The following OTUD7A variants were observed in gnomAD, a reference collection of about 807,000 sequenced individuals.
The protein encoded by OTUD7A is OTU deubiquitinase 7A.
A neutral mutation model predicts 65.7 loss-of-function variants in OTUD7A; 12 were observed. The ratio of observed to expected loss-of-function variants is 0.18; its 90% confidence interval spans 0.12 to 0.30. The LOEUF (loss-of-function observed/expected upper bound fraction) is 0.30. Ranked by LOEUF, OTUD7A falls within the 10% of genes least tolerant of loss-of-function variation. OTUD7A has a pLI of 1.00. For synonymous variants in OTUD7A, 641 were observed against 586.3 expected (o/e 1.09, Z -1.35); for missense variants, 1,148 against 1,304.8 (o/e 0.88, Z 1.85).
intron 1 of OTUD7A, among the ~76,000 whole-genome samples, chr15:31,803,888 T>TCATC (rs1305561114): frequency 2.6e-5 from 4 of 152,184 alleles, no homozygotes; most frequent in African/African-American, 7.2e-5. Flanking sequence ...CAATAAGTTC[T>TCATC]CATCCCAGCT....
intron 1 of OTUD7A, among the ~76,000 whole-genome samples, chr15:31,700,487 C>T (rs1437661357): frequency 3.9e-5 from 6 of 152,080 alleles, no homozygotes; most frequent in Non-Finnish European, 8.8e-5. Context: ...CCCTTGACTT[C>T]GCCCTCTCCA....
At chr15:31,867,746 A>C (rs763537140) in intron 1 of OTUD7A, among the ~76,000 whole-genome samples, 1 of 152,200 alleles carries the variant, frequency 6.6e-6, no homozygotes, top group Non-Finnish European at 1.5e-5. Flanking sequence ...CTGAGACTCA[A>C]AGTGTGCTAA....
chr15:31,828,972 G>A (rs1331874587), intron 1 of OTUD7A, among the ~76,000 whole-genome samples: 1 of 152,182 alleles, frequency 6.6e-6, no homozygotes, highest in African/African-American at 2.4e-5. Context: ...TCCAAGCAGA[G>A]AAAAGTGCTC....
At chr15:31,798,968 T>C (rs1447738510) in intron 1 of OTUD7A, among the ~76,000 whole-genome samples, 1 of 152,174 alleles carries the variant, frequency 6.6e-6, no homozygotes, top group Non-Finnish European at 1.5e-5. Flanking sequence ...CACAGCCTAC[T>C]GGAAGAGGGG....
At chr15:31,820,962 C>T (rs908552650) in intron 1 of OTUD7A, among the ~76,000 whole-genome samples, 8 of 151,740 alleles carry the variant, frequency 5.3e-5, no homozygotes, top group South Asian at 4.2e-4. Flanking sequence ...CCATTCCCTC[C>T]GAGGCCCCCA....
intron 1 of OTUD7A, among the ~76,000 whole-genome samples, chr15:31,750,575 C>T (rs567659490): frequency 8.9e-4 from 135 of 152,056 alleles, no homozygotes; most frequent in African/African-American, 3.2e-3. Context: ...AAGAACAAAG[C>T]TGGAGGCATC....
At chr15:31,579,848 G>A (rs982083680) in intron 3 of OTUD7A, among the ~76,000 whole-genome samples, 19 of 152,170 alleles carry the variant, frequency 1.2e-4, no homozygotes, top group Non-Finnish European at 2.4e-4. Flanking sequence ...GCGAGTGCAC[G>A]TGTGCATATC....
intron 3 of OTUD7A, among the ~76,000 whole-genome samples, chr15:31,651,627 T>C (rs1213408564): frequency 6.8e-6 from 1 of 148,056 alleles, no homozygotes; most frequent in Non-Finnish European, 1.5e-5. Flanking sequence ...ACAGCCCTCC[T>C]AGAACAAACT....
At chr15:31,512,045 T>C (rs1269318463) in intron 8 of OTUD7A, among the ~76,000 whole-genome samples, 1 of 152,162 alleles carries the variant, frequency 6.6e-6, no homozygotes, top group African/African-American at 2.4e-5. Flanking sequence ...CTAAGGAATG[T>C]TTTACTGCCC....
chr15:31,742,610 T>C (rs990251161), intron 1 of OTUD7A, among the ~76,000 whole-genome samples: 1 of 152,102 alleles, frequency 6.6e-6, no homozygotes, highest in Non-Finnish European at 1.5e-5. Context: ...ATATACATAA[T>C]TGAATTAAAT....
intron 5 of OTUD7A, among the ~76,000 whole-genome samples, chr15:31,543,143 T>C (rs2141137122): frequency 6.6e-6 from 1 of 151,976 alleles, no homozygotes; most frequent in East Asian, 1.9e-4. Context: ...TGACAACAAC[T>C]TACAAAACAG....
chr15:31,712,000 T>C (rs899466526), intron 1 of OTUD7A, among the ~76,000 whole-genome samples: 1 of 151,128 alleles, frequency 6.6e-6, no homozygotes, highest in Non-Finnish European at 1.5e-5. Context: ...AGCTCAACTA[T>C]GGCCCAGAGC....
intron 1 of OTUD7A, among the ~76,000 whole-genome samples, chr15:31,761,348 A>T (rs1894958046): frequency 6.6e-6 from 1 of 152,194 alleles, no homozygotes; most frequent in Non-Finnish European, 1.5e-5. Context: ...AATAACCAAT[A>T]AAAATGGACA....
At chr15:31,657,706 C>T (rs1892034506) in intron 1 of OTUD7A, among the ~76,000 whole-genome samples, 1 of 152,082 alleles carries the variant, frequency 6.6e-6, no homozygotes, top group African/African-American at 2.4e-5. Context: ...ATCACCACAC[C>T]CTCACATTCA....
chr15:31,770,926 T>C (rs1895217785), intron 1 of OTUD7A, among the ~76,000 whole-genome samples: 1 of 152,184 alleles, frequency 6.6e-6, no homozygotes, highest in African/African-American at 2.4e-5. Flanking sequence ...AAGGGCATCT[T>C]TGAAAACACA....
chr15:31,795,385 C>T (rs186667431), intron 1 of OTUD7A, among the ~76,000 whole-genome samples: 7 of 152,332 alleles, frequency 4.6e-5, no homozygotes, highest in Admixed American at 3.9e-4. Context: ...GTTCAGACCT[C>T]TTCATGGGTC....
intron 3 of OTUD7A, among the ~76,000 whole-genome samples, chr15:31,645,754 T>G (rs1226612158): frequency 2.6e-5 from 4 of 152,240 alleles, no homozygotes; most frequent in East Asian, 3.8e-4. Context: ...TCTTAAGCCT[T>G]TTTTAATCTA....
At chr15:31,509,918 T>TA (rs1368807361) in intron 8 of OTUD7A, among the ~76,000 whole-genome samples, 1 of 117,714 alleles carries the variant, frequency 8.5e-6, no homozygotes, top group African/African-American at 3.2e-5. Flanking sequence ...TTTTTTCTAT[T>TA]TTTTTTTCTT....
At chr15:31,844,110 T>A (rs1897247402) in intron 1 of OTUD7A, among the ~76,000 whole-genome samples, 2 of 152,220 alleles carry the variant, frequency 1.3e-5, no homozygotes, top group African/African-American at 4.8e-5. Context: ...AATCATCTTA[T>A]CATTTAAAGA....
Sources: gnomAD v4.1 joint callset for allele counts (sites outside exome capture counted in the v4.1 genomes callset) on GRCh38, gnomAD v4.1.1 for gene constraint, MANE v1.5 for transcripts, NCBI Gene and HGNC (gene_info 2026-07-23, HGNC 2026-07-21) for gene names.